Variants in WNT7A observed in about 807,000 individuals in gnomAD.
WNT7A encodes protein Wnt-7a.
WNT7A carries 16 observed loss-of-function variants against 28.2 expected under a neutral mutation model. The observed-to-expected ratio is 0.57, with a 90% CI of 0.38 to 0.86. The LOEUF is 0.86. Among genes scored for constraint, WNT7A ranks in the 40% least tolerant of loss-of-function variants. WNT7A has a pLI of 0.00. For synonymous variants in WNT7A, 190 were observed against 195.9 expected (o/e 0.97, Z 0.25); for missense variants, 411 against 489.7 (o/e 0.84, Z 1.52).
At chr3:13,839,004 T>G (rs1694414694) in intron 3 of WNT7A, among the ~76,000 whole-genome samples, 1 of 152,204 alleles carries the variant, frequency 6.6e-6, no homozygotes, top group East Asian at 1.9e-4. Context: ...ATTGAAATGA[T>G]ATGTAATCAA....
Position 13,860,899 on chromosome 3 carries a change from AT to A in WNT7A, c.299-6097del, listed in dbSNP as rs200511534. On this transcript the variant is annotated intron_variant, in intron 2 of 3. Coordinates refer to ENST00000285018, the MANE Select transcript of WNT7A (RefSeq NM_004625.4). ...TCATATGTCCAATGACATATAGTAC[AT>A]AAAAAGCTGAGCAAAGACATACAAA... Among the ~76,000 whole-genome samples, 456 of 152,358 alleles carry A rather than the reference AT, an allele frequency of 3.0e-3. 3 individuals carry two copies. The highest frequency in any genetic ancestry group is 0.01 in the African/African-American group (424 of 41,572).
At chr3:13,833,888 C>T (rs1414848161) in intron 3 of WNT7A, among the ~76,000 whole-genome samples, 1 of 152,234 alleles carries the variant, frequency 6.6e-6, no homozygotes, top group Non-Finnish European at 1.5e-5. Flanking sequence ...CACACGCTAA[C>T]TTAATCCCTT....
rs752165682 is a variant in WNT7A at position 13,854,742 on chromosome 3, T to A, written c.360A>T (p.Thr120=). The A allele has an allele frequency of 6.2e-7, 1 of 1,613,976 alleles. No homozygotes were observed. The highest frequency in any genetic ancestry group is 8.5e-7 in the Non-Finnish European group (1 of 1,180,032). The change falls in exon 3 of 4, where the codon ACA becomes ACT. Residue 120 remains threonine, a synonymous_variant. Coordinates refer to ENST00000285018, the MANE Select transcript of WNT7A (RefSeq NM_004625.4). ...IIAAGVAHAI[T]AACTQGNLSD... The stretch of plus-strand genomic sequence containing the variant: ...TCAGGTTGCCCTGGGTACAGGCAGC[T>A]GTGATGGCGTGGGCCACGCCGGCGG...
At chr3:13,828,932 T>C (rs748829931) in intron 3 of WNT7A, among the ~76,000 whole-genome samples, 2 of 152,098 alleles carry the variant, frequency 1.3e-5, no homozygotes, top group Non-Finnish European at 2.9e-5. Flanking sequence ...TGCCACCACA[T>C]GCTGGTGATG....
At chr3:13,835,354 C>T (rs1055113421) in intron 3 of WNT7A, among the ~76,000 whole-genome samples, 9 of 152,172 alleles carry the variant, frequency 5.9e-5, no homozygotes, top group African/African-American at 1.2e-4. Context: ...AGAGAGAGAA[C>T]GGGAAAGCAC....
chr3:13,849,846 T>G (rs1176229681), intron 3 of WNT7A, among the ~76,000 whole-genome samples: 1 of 152,182 alleles, frequency 6.6e-6, no homozygotes, highest in South Asian at 2.1e-4. Flanking sequence ...GCAATGGCCC[T>G]GAGGTGCGAA....
At chr3:13,831,838 A>G (rs896683662) in intron 3 of WNT7A, among the ~76,000 whole-genome samples, 1 of 152,152 alleles carries the variant, frequency 6.6e-6, no homozygotes, top group Non-Finnish European at 1.5e-5. Context: ...CTCGATGCCC[A>G]GGGCTGCCTT....
chr3:13,823,943 G>A (rs534383801), intron 3 of WNT7A, among the ~76,000 whole-genome samples: 120 of 152,262 alleles, frequency 7.9e-4, no homozygotes, highest in African/African-American at 2.5e-3. Context: ...TACAGCCCCC[G>A]GATTCTAGCA....
rs187133035 is a variant in WNT7A at position 13,868,033 on chromosome 3, T to G, written c.298+6914A>C. 2.2e-3 allele frequency among the ~76,000 whole-genome samples: 330 copies of G among 152,192 alleles called. 1 individual carries two copies. The highest frequency in any genetic ancestry group is 3.4e-3 in the Middle Eastern group (1 of 294). ...AAGTCATTTACTTTTGGGGAAGATC[T>G]CCATATGATACATTAAACATAAATA... is the stretch of plus-strand genomic sequence containing the variant. On this transcript the variant is annotated intron_variant, in intron 2 of 3. Coordinates refer to ENST00000285018, the MANE Select transcript of WNT7A (RefSeq NM_004625.4).
At chr3:13,823,545 A>T (rs1694144893) in intron 3 of WNT7A, among the ~76,000 whole-genome samples, 1 of 152,200 alleles carries the variant, frequency 6.6e-6, no homozygotes, top group Admixed American at 6.5e-5. Context: ...GAGAGGATTC[A>T]AGGAAAAGCC....
At chr3:13,856,969 G>GAAGA (rs1694754109) in intron 2 of WNT7A, among the ~76,000 whole-genome samples, 1 of 60,248 alleles carries the variant, frequency 1.7e-5, no homozygotes, top group Non-Finnish European at 3.2e-5. Flanking sequence ...GAAGAAGAAG[G>GAAGA]AGAAGAAGAA....
At chr3:13,843,991 CCA>C (rs1694501284) in intron 3 of WNT7A, among the ~76,000 whole-genome samples, 1 of 152,168 alleles carries the variant, frequency 6.6e-6, no homozygotes, top group Non-Finnish European at 1.5e-5. Flanking sequence ...GGTGATCCAC[CCA>C]CCCTTGGCCT....
intron 3 of WNT7A, among the ~76,000 whole-genome samples, chr3:13,831,705 C>A (rs1694281518): frequency 1.3e-5 from 2 of 152,136 alleles, no homozygotes; most frequent in Admixed American, 6.5e-5. Flanking sequence ...GCCCCCCAGC[C>A]AAAGACTGGT....
intron 2 of WNT7A, among the ~76,000 whole-genome samples, chr3:13,855,219 G>A (rs2124859795): frequency 6.6e-6 from 1 of 152,344 alleles, no homozygotes; most frequent in African/African-American, 2.4e-5. Flanking sequence ...GAGGACACTG[G>A]CTCTGGGGCC....
chr3:13,874,750 C>T (rs1465585777), intron 2 of WNT7A, among the ~76,000 whole-genome samples, 197 bp downstream of exon 2: 8 of 112,610 alleles, frequency 7.1e-5, no homozygotes, highest in East Asian at 3.4e-4. Context: ...TGTCAATAAA[C>T]GATTGAGGGG....
At chr3:13,853,150 A>G (rs1472389800) in intron 3 of WNT7A, among the ~76,000 whole-genome samples, 2 of 152,074 alleles carry the variant, frequency 1.3e-5, no homozygotes, top group African/African-American at 4.8e-5. Flanking sequence ...CACTCCATAC[A>G]TATTTGTAGA....
chr3:13,831,541 C>T (rs1024046674), intron 3 of WNT7A, among the ~76,000 whole-genome samples: 1 of 152,100 alleles, frequency 6.6e-6, no homozygotes, highest in Non-Finnish European at 1.5e-5. Flanking sequence ...TGGACACTGT[C>T]GCATGCCACT....
chr3:13,854,860 G>A, intron 2 of WNT7A, 57 bp from the exon 3 acceptor site: 1 of 1,604,262 alleles, frequency 6.2e-7, no homozygotes, highest in Admixed American at 1.7e-5. Context: ...CATCTGAGAG[G>A]AGGCTGGGCC....
At chr3:13,853,508 C>T (rs1230521140) in intron 3 of WNT7A, among the ~76,000 whole-genome samples, 1 of 152,202 alleles carries the variant, frequency 6.6e-6, no homozygotes, top group Non-Finnish European at 1.5e-5. Flanking sequence ...CCATTCCTCC[C>T]CCACTCACCA....
Sources: gnomAD v4.1 joint callset for allele counts (sites outside exome capture counted in the v4.1 genomes callset) on GRCh38, gnomAD v4.1.1 for gene constraint, MANE v1.5 for transcripts, NCBI Gene and HGNC (gene_info 2026-07-23, HGNC 2026-07-21) for gene names.